PTPN4: variants seen among roughly 807,000 people sequenced by gnomAD.
PTPN4 encodes protein tyrosine phosphatase non-receptor type 4.
Under a neutral mutation model 135.5 loss-of-function variants are expected in PTPN4, and 49 were observed. The observed-to-expected ratio is 0.36, with a 90% CI of 0.29 to 0.46. The LOEUF (loss-of-function observed/expected upper bound fraction) is 0.46. Among genes scored for constraint, PTPN4 ranks in the 20% least tolerant of loss-of-function variants. The pLI is 1.00. For missense variants in PTPN4, 860 were observed against 1,101.0 expected (o/e 0.78, Z 3.10); for synonymous variants, 333 against 369.9 (o/e 0.90, Z 1.14).
intron 3 of PTPN4, among the ~76,000 whole-genome samples, chr2:119,865,684 C>T (rs576501164): frequency 7.2e-5 from 11 of 151,956 alleles, no homozygotes; most frequent in Non-Finnish European, 1.2e-4. Flanking sequence ...AGAATTAATT[C>T]TCACCTATCT....
chr2:119,787,248 T>C (rs1044602436), intron 1 of PTPN4, among the ~76,000 whole-genome samples: 9 of 152,156 alleles, frequency 5.9e-5, no homozygotes, highest in African/African-American at 2.2e-4. Context: ...AGAAACCCAG[T>C]TGGGGAAGGA....
chr2:119,762,449 C>T (rs1690526140), intron 1 of PTPN4, among the ~76,000 whole-genome samples: 1 of 151,738 alleles, frequency 6.6e-6, no homozygotes, highest in East Asian at 1.9e-4. Flanking sequence ...GTACAGTATC[C>T]ATTGTTATCT....
At chr2:119,795,840 C>A (rs1691247180) in intron 1 of PTPN4, among the ~76,000 whole-genome samples, 2 of 152,258 alleles carry the variant, frequency 1.3e-5, no homozygotes, top group Admixed American at 1.3e-4. Context: ...TGCCTAACAT[C>A]ACTGCTCCCT....
rs1217371596 is a variant in PTPN4 at position 119,810,011 on chromosome 2, T to TA, written c.138+26dup. 2 of 1,590,428 alleles carry TA rather than the reference T, an allele frequency of 1.3e-6. No individual in the cohort carries two copies. ...GTCAATGTAAGTATTTTGTGTCTTT[T>TA]AAAAAATAATCTCTGGCTATAAGTC... is the stretch of plus-strand genomic sequence containing the variant. On this transcript the variant is annotated intron_variant, in intron 2 of 26. Coordinates refer to ENST00000263708, the MANE Select transcript of PTPN4 (RefSeq NM_002830.4).
At chr2:119,948,101 G>C (rs559783650) in intron 18 of PTPN4, among the ~76,000 whole-genome samples, 2 of 151,766 alleles carry the variant, frequency 1.3e-5, no homozygotes, top group Non-Finnish European at 2.9e-5. Flanking sequence ...TAAAAGATGG[G>C]GACAAAGATG....
At chr2:119,851,331 G>A (rs939205323) in intron 2 of PTPN4, among the ~76,000 whole-genome samples, 3 of 152,094 alleles carry the variant, frequency 2.0e-5, no homozygotes, top group African/African-American at 7.2e-5. Flanking sequence ...AAGAGACTGA[G>A]GCAAGTTTCA....
intron 12 of PTPN4, among the ~76,000 whole-genome samples, chr2:119,924,069 A>G (rs904335913): frequency 7.4e-5 from 11 of 149,490 alleles, no homozygotes; most frequent in East Asian, 4.1e-4. Context: ...CCCAGGAGGC[A>G]GAGCTTGCAG....
chr2:119,840,904 T>C (rs1265193367), intron 2 of PTPN4, among the ~76,000 whole-genome samples: 2 of 152,216 alleles, frequency 1.3e-5, no homozygotes, highest in Non-Finnish European at 2.9e-5. Flanking sequence ...TTCATTTCCT[T>C]TGCCCACTTC....
intron 13 of PTPN4, among the ~76,000 whole-genome samples, chr2:119,929,441 G>GT (rs1003970649): frequency 1.3e-5 from 2 of 151,750 alleles, no homozygotes; most frequent in Non-Finnish European, 1.5e-5. Flanking sequence ...ATCATTAAAT[G>GT]TTTTTTCTTT....
intron 2 of PTPN4, among the ~76,000 whole-genome samples, chr2:119,823,502 G>T (rs1677101847): frequency 6.6e-6 from 1 of 152,078 alleles, no homozygotes; most frequent in Non-Finnish European, 1.5e-5. Context: ...TAAAGTGCTG[G>T]GATTACAGGC....
intron 10 of PTPN4, among the ~76,000 whole-genome samples, chr2:119,906,443 A>T (rs1253795449): frequency 6.6e-6 from 1 of 151,778 alleles, no homozygotes; most frequent in Non-Finnish European, 1.5e-5. Flanking sequence ...TGAAAAAGAA[A>T]CATTTTTCAC....
chr2:119,916,845 C>A (rs752542994), intron 11 of PTPN4, among the ~76,000 whole-genome samples: 1 of 152,148 alleles, frequency 6.6e-6, no homozygotes, highest in Admixed American at 6.5e-5. Context: ...AACATTAGTT[C>A]GTTCCATTTA....
rs529877228 is a variant in PTPN4, at chr2:119,822,361, C to T, written c.138+12370C>T. On this transcript the variant is annotated intron_variant, in intron 2 of 26. Transcript: ENST00000263708. ...AAAGTGTATTAGTATCCCCTCCCCC[C>T]CCCTTTTTTTTTTTTGAGATGGATT... Among the ~76,000 whole-genome samples the T allele has an allele frequency of 2.3e-5, 3 of 130,618 alleles. No individual in the cohort carries two copies. The East Asian group carries it at 6.6e-4, about 29-fold the overall frequency. The allele number at this position is 130,618 out of a possible 152,430, so 85.7% of individuals were successfully genotyped here. A position where few individuals can be genotyped will look rare whatever the true frequency, so the allele number is the denominator to read the frequency against.
intron 9 of PTPN4, among the ~76,000 whole-genome samples, chr2:119,889,291 G>A (rs1234959410): frequency 1.3e-5 from 2 of 152,220 alleles, no homozygotes; most frequent in East Asian, 3.9e-4. Context: ...GTGGTGGTGG[G>A]CACCTGTAGT....
At chr2:119,847,275 T>TATATACACAC (rs1553451350) in intron 2 of PTPN4, among the ~76,000 whole-genome samples, 119 of 107,522 alleles carry the variant, frequency 1.1e-3, no homozygotes, top group African/African-American at 4.5e-3. Flanking sequence ...ATACTCTATA[T>TATATACACAC]ACACACACAC....
intron 9 of PTPN4, among the ~76,000 whole-genome samples, chr2:119,899,218 C>T (rs1439346155): frequency 2.6e-5 from 4 of 152,148 alleles, no homozygotes; most frequent in Non-Finnish European, 4.4e-5. Context: ...ACAGGCTTCA[C>T]ACTTTCATTT....
chr2:119,785,193 G>A (rs923675493), intron 1 of PTPN4, among the ~76,000 whole-genome samples: 3 of 152,136 alleles, frequency 2.0e-5, no homozygotes, highest in Non-Finnish European at 2.9e-5. Context: ...CAAGTGTTCC[G>A]TGGAGGACAA....
intron 3 of PTPN4, among the ~76,000 whole-genome samples, chr2:119,872,303 T>C (rs1215985705): frequency 2.6e-5 from 4 of 152,154 alleles, no homozygotes; most frequent in Non-Finnish European, 5.9e-5. Flanking sequence ...CTAACTTAAT[T>C]TCTAGTAAGA....
At chr2:119,769,150 C>T (rs190496220) in intron 1 of PTPN4, among the ~76,000 whole-genome samples, 6 of 152,202 alleles carry the variant, frequency 3.9e-5, no homozygotes, top group Admixed American at 6.5e-5. Flanking sequence ...AAGGGCTCTC[C>T]GAAATCAAGA....
Sources: gnomAD v4.1 joint callset for allele counts (sites outside exome capture counted in the v4.1 genomes callset) on GRCh38, gnomAD v4.1.1 for gene constraint, MANE v1.5 for transcripts, NCBI Gene and HGNC (gene_info 2026-07-23, HGNC 2026-07-21) for gene names.